The following STXBP5L variants were observed in gnomAD, a reference collection of about 807,000 sequenced individuals.
STXBP5L encodes the protein syntaxin binding protein 5L.
A neutral mutation model predicts 144.5 loss-of-function variants in STXBP5L; 65 were observed. The ratio of observed to expected loss-of-function variants is 0.45; its 90% CI spans 0.37 to 0.55. The LOEUF (loss-of-function observed/expected upper bound fraction) is 0.55, where lower values mean the gene tolerates loss of function less well. STXBP5L is among the 20% of genes least tolerant of loss of function. The pLI, the probability that STXBP5L is intolerant of heterozygous loss-of-function variation, is 0.00. For missense variants in STXBP5L, 1,298 were observed against 1,405.5 expected, an observed-to-expected ratio of 0.92 and a Z score of 1.22; for synonymous variants, 505 against 469.6, an observed-to-expected ratio of 1.08 and a Z score of -0.97.
chr3:121,343,932 C>A (rs1178028295), intron 20 of STXBP5L, among the ~76,000 whole-genome samples: 1 of 149,710 alleles, frequency 6.7e-6, no homozygotes, highest in Non-Finnish European at 1.5e-5. Context: ...AAAGAGCCTG[C>A]ATCACCAAGT....
chr3:121,127,014 T>A, intron 7 of STXBP5L, among the ~76,000 whole-genome samples: 1 of 152,172 alleles, frequency 6.6e-6, no homozygotes, highest in East Asian at 1.9e-4. Context: ...TGTTGTTATG[T>A]AAAGAACATA....
intron 20 of STXBP5L, among the ~76,000 whole-genome samples, chr3:121,345,873 C>T (rs536821626): frequency 5.9e-5 from 9 of 151,966 alleles, no homozygotes; most frequent in Non-Finnish European, 1.0e-4. Context: ...TGCCTCCTTC[C>T]CTAATCCCAA....
intron 6 of STXBP5L, among the ~76,000 whole-genome samples, chr3:121,118,550 T>C (rs981945568): frequency 6.6e-6 from 1 of 151,722 alleles, no homozygotes. Flanking sequence ...TGTAAGCCAA[T>C]TTGATAAGTT....
intron 3 of STXBP5L, among the ~76,000 whole-genome samples, chr3:121,026,812 G>A (rs902144283): frequency 4.2e-4 from 64 of 151,744 alleles, no homozygotes; most frequent in Non-Finnish European, 6.2e-4. Flanking sequence ...AAACCTTCAC[G>A]TTGTGCACAT....
intron 25 of STXBP5L, among the ~76,000 whole-genome samples, chr3:121,416,765 A>G (rs1032427373): frequency 6.6e-6 from 1 of 151,946 alleles, no homozygotes; most frequent in Non-Finnish European, 1.5e-5. Context: ...TCACCCTCCC[A>G]AAGTGCTGGA....
intron 18 of STXBP5L, among the ~76,000 whole-genome samples, chr3:121,278,501 G>T (rs147950763): frequency 6.6e-6 from 1 of 151,860 alleles, no homozygotes; most frequent in East Asian, 1.9e-4. Context: ...AAACTCTATC[G>T]TGTCTGTAAG....
intron 20 of STXBP5L, among the ~76,000 whole-genome samples, chr3:121,336,010 A>G (rs938510907): frequency 2.0e-5 from 3 of 152,210 alleles, no homozygotes; most frequent in Non-Finnish European, 4.4e-5. Flanking sequence ...AAATATTTTC[A>G]AACTATGCAT....
rs59353219 is a variant in STXBP5L at position 120,923,863 on chromosome 3, T to C, written c.189+14096T>C. 7.9e-3 allele frequency among the ~76,000 whole-genome samples: 1,199 copies of C among 152,214 alleles called. 13 individuals carry two copies. Among genetic ancestry groups the C allele is most frequent in the African/African-American group, 0.028 (1,156 of 41,576 alleles). On this transcript the variant is annotated intron_variant, in intron 2 of 26. Transcript: ENST00000471454. ...TGCCAATTAGGCCTATTTGGTCTAG[T>C]GTGTAGTTTACAGTGATGTTTGTTG...
chr3:121,102,385 T>G (rs895044898), intron 5 of STXBP5L, among the ~76,000 whole-genome samples: 6 of 151,984 alleles, frequency 3.9e-5, no homozygotes, highest in Non-Finnish European at 1.5e-5. Context: ...TGGAACAGAA[T>G]AGAGAACCCA....
In STXBP5L at chr3:121,422,996, A is replaced by T. The variant is rs2047385433; in HGVS notation, c.*3899A>T. On this transcript the variant is annotated 3_prime_UTR_variant, in exon 27 of 27. Transcript: ENST00000471454. ...TATATTCAAGCAGAAGGGAAAAATG[A>T]AGCCAATCTAGAAAAGTAAGCTAAA... The T allele has an allele frequency of 6.6e-6, 1 of 152,146 alleles. No homozygotes were observed. The highest frequency in any genetic ancestry group is 1.5e-5 in the Non-Finnish European group (1 of 68,030). The allele number at this position is 152,146 out of a possible 1,614,324, so 9.4% of individuals were successfully genotyped here. A position where few individuals can be genotyped will look rare whatever the true frequency, so the allele number is the denominator to read the frequency against.
chr3:121,219,397 G>A (rs1230584909), intron 10 of STXBP5L, among the ~76,000 whole-genome samples: 1 of 152,090 alleles, frequency 6.6e-6, no homozygotes, highest in East Asian at 1.9e-4. Flanking sequence ...CAGCAGTAGG[G>A]TCTCTTACTG....
In STXBP5L at chr3:121,196,835, TATTGATTGATTG is replaced by T. The variant is rs34277105; in HGVS notation, c.878-9066_878-9055del. On this transcript the variant is annotated intron_variant, in intron 9 of 26. Coordinates refer to ENST00000471454, the MANE Select transcript of STXBP5L (RefSeq NM_001308330.2). ...CAGGCCTTTGCTACCATGCCCAGATTATTGATTGATTGATTGATTGATTGATTGATTGAGACA... is the reference window on the plus strand; with the variant it reads ...CAGGCCTTTGCTACCATGCCCAGATTATTGATTGATTGATTGATTGAGACA... 3.2e-4 allele frequency among the ~76,000 whole-genome samples: 48 copies of T among 148,718 alleles called. No individual in the cohort carries two copies. In the Middle Eastern group the frequency reaches 0.01, roughly 32 times the overall value.
At chr3:121,310,187 A>G (rs1215313735) in intron 19 of STXBP5L, among the ~76,000 whole-genome samples, 2 of 152,230 alleles carry the variant, frequency 1.3e-5, no homozygotes, top group Non-Finnish European at 2.9e-5. Flanking sequence ...CTAGAAGAAA[A>G]CAAAGAATAA....
At chr3:120,959,791 C>T (rs1421249429) in intron 3 of STXBP5L, among the ~76,000 whole-genome samples, 1 of 152,108 alleles carries the variant, frequency 6.6e-6, no homozygotes, top group Non-Finnish European at 1.5e-5. Flanking sequence ...AGACCTAAAA[C>T]CATAAAAACC....
At position 120,975,755 on chromosome 3, in the gene STXBP5L, A is replaced by G. The variant is rs534221126; in HGVS notation, c.287+20718A>G. Reference sequence around the variant, plus strand: ...TTTATTGAGAGTTTTTAGCATGAAGAGTTGTTGAATTTTGTCAAAGGCCTT... The same window carrying G: ...TTTATTGAGAGTTTTTAGCATGAAGGGTTGTTGAATTTTGTCAAAGGCCTT... On this transcript the variant is annotated intron_variant, in intron 3 of 26. Coordinates refer to ENST00000471454, the MANE Select transcript of STXBP5L (RefSeq NM_001308330.2). Among the ~76,000 whole-genome samples the G allele has an allele frequency of 6.3e-4, 95 of 151,518 alleles. 1 individual carries two copies. Among genetic ancestry groups the G allele is most frequent in the South Asian group, 1.7e-3 (8 of 4,802 alleles).
chr3:120,963,822 G>C (rs1275451141), intron 3 of STXBP5L, among the ~76,000 whole-genome samples: 4 of 152,064 alleles, frequency 2.6e-5, no homozygotes, highest in African/African-American at 9.7e-5. Flanking sequence ...TTTTTCTATT[G>C]ATTGAAATAC....
chr3:121,243,185 C>A (rs1409769902), intron 14 of STXBP5L, among the ~76,000 whole-genome samples: 1 of 152,158 alleles, frequency 6.6e-6, no homozygotes, highest in East Asian at 1.9e-4. Context: ...TCTGTGTCAT[C>A]TGATAGAGAT....
chr3:120,995,609 A>G (rs1292750659), intron 3 of STXBP5L, among the ~76,000 whole-genome samples: 2 of 152,042 alleles, frequency 1.3e-5, no homozygotes, highest in Non-Finnish European at 2.9e-5. Flanking sequence ...AAACATGTAA[A>G]TTATCACAGT....
At position 120,946,975 on chromosome 3, in the gene STXBP5L, C is replaced by T. The variant is rs1236701017; in HGVS notation, c.190-7965C>T. Among the ~76,000 whole-genome samples, 3 of 151,654 alleles carry T rather than the reference C, an allele frequency of 2.0e-5. No homozygotes were observed. In the Admixed American group the frequency reaches 2.0e-4, roughly 10 times the overall value. ...AACTCAGGGTAGTATGACTAGCCCT[C>T]CCACATATTTGTAACTAATTCTTTC... On this transcript the variant is annotated intron_variant, in intron 2 of 26. Transcript: ENST00000471454.
Sources: gnomAD v4.1 joint callset for allele counts (sites outside exome capture counted in the v4.1 genomes callset) on GRCh38, gnomAD v4.1.1 for gene constraint, MANE v1.5 for transcripts, NCBI Gene and HGNC (gene_info 2026-07-23, HGNC 2026-07-21) for gene names.